Variants in EHMT1 observed in about 807,000 individuals in gnomAD.
EHMT1 encodes the protein euchromatic histone lysine methyltransferase 1, also known as histone-lysine N-methyltransferase EHMT1.
In EHMT1, 15 loss-of-function variants were observed where a neutral mutation model predicts 147.2. The ratio of observed to expected loss-of-function variants is 0.10; its 90% CI spans 0.07 to 0.16. EHMT1 has a LOEUF of 0.16. EHMT1 is among the 10% of genes least tolerant of loss of function. The pLI, the probability that EHMT1 is intolerant of heterozygous loss-of-function variation, is 1.00. For missense variants in EHMT1, 1,587 were observed against 1,772.4 expected (o/e 0.90, Z 1.88); for synonymous variants, 795 against 709.6 (o/e 1.12, Z -1.91).
At chr9:137,688,586 T>C (rs1942661765) in intron 1 of EHMT1, among the ~76,000 whole-genome samples, 1 of 152,200 alleles carries the variant, frequency 6.6e-6, no homozygotes, top group Non-Finnish European at 1.5e-5. Flanking sequence ...GAAATATCAA[T>C]GTAGAGCATT....
intron 17 of EHMT1, among the ~76,000 whole-genome samples, chr9:137,799,401 T>A (rs767053706): frequency 1.3e-5 from 2 of 152,174 alleles, no homozygotes; most frequent in African/African-American, 4.8e-5. Context: ...TCCTGCTCAT[T>A]GTCCGTCTCT....
chr9:137,741,403 C>T (rs1331156276), intron 4 of EHMT1, among the ~76,000 whole-genome samples: 1 of 152,164 alleles, frequency 6.6e-6, no homozygotes, highest in African/African-American at 2.4e-5. Context: ...GGACAGGTAG[C>T]AAACGTCAGC....
intron 1 of EHMT1, among the ~76,000 whole-genome samples, chr9:137,661,443 C>T (rs1391034257): frequency 6.7e-6 from 1 of 149,834 alleles, no homozygotes; most frequent in Non-Finnish European, 1.5e-5. Flanking sequence ...TTGTAAAAAT[C>T]ATACTTGAGT....
At chr9:137,766,155 G>A (rs1950205175) in intron 10 of EHMT1, among the ~76,000 whole-genome samples, 1 of 152,160 alleles carries the variant, frequency 6.6e-6, no homozygotes. Flanking sequence ...TGTGGGGAGG[G>A]TTTAGCCCAA....
At chr9:137,719,328 TG>T (rs1442575273) in intron 3 of EHMT1, among the ~76,000 whole-genome samples, 1 of 152,054 alleles carries the variant, frequency 6.6e-6, no homozygotes, top group African/African-American at 2.4e-5. Context: ...GTGACCACAG[TG>T]GGTGGTGGGC....
intron 14 of EHMT1, among the ~76,000 whole-genome samples, chr9:137,781,379 A>G (rs951992768): frequency 6.8e-6 from 1 of 147,494 alleles, no homozygotes; most frequent in Non-Finnish European, 1.5e-5. Context: ...TGACGCTGGG[A>G]TGTGTGGTGA....
rs374168421 is a variant in EHMT1 at position 137,801,014 on chromosome 9, G to A, written c.2712+30G>A. The A allele has an allele frequency of 5.3e-5, 84 of 1,597,078 alleles. 1 individual carries two copies. In the East Asian group the frequency reaches 8.3e-4, roughly 16 times the overall value. ...GTTCGTCACACCCTCCCCGGGAGCC[G>A]TGTCCTGGAGGGGTGGGGACCTCCT... On this transcript the variant is annotated intron_variant, in intron 18 of 26. Coordinates refer to ENST00000460843, the MANE Select transcript of EHMT1 (RefSeq NM_024757.5).
intron 25 of EHMT1, among the ~76,000 whole-genome samples, chr9:137,826,580 C>T (rs2132998320): frequency 6.6e-6 from 1 of 152,312 alleles, no homozygotes; most frequent in East Asian, 1.9e-4. Flanking sequence ...GTCAAGGCAC[C>T]TACTGGTTTG....
intron 10 of EHMT1, among the ~76,000 whole-genome samples, chr9:137,774,819 G>A (rs1053003624): frequency 2.6e-5 from 4 of 151,974 alleles, no homozygotes; most frequent in African/African-American, 9.7e-5. Flanking sequence ...TGGATCTGGT[G>A]GGTGTGGTCG....
chr9:137,624,203 A>C (rs936040915), intron 1 of EHMT1, among the ~76,000 whole-genome samples: 1 of 151,448 alleles, frequency 6.6e-6, no homozygotes, highest in African/African-American at 2.4e-5. Flanking sequence ...GGGTTTCACC[A>C]TATTGGCTAG....
At chr9:137,677,834 G>A (rs1446356155) in intron 1 of EHMT1, among the ~76,000 whole-genome samples, 3 of 151,810 alleles carry the variant, frequency 2.0e-5, no homozygotes, top group Non-Finnish European at 2.9e-5. Flanking sequence ...GGAGGCGGGC[G>A]GATCACGAAG....
rs1371761638 is a variant in EHMT1 at position 137,775,688 on chromosome 9, G to A, written c.1791+436G>A. Among the ~76,000 whole-genome samples the A allele has an allele frequency of 6.6e-6, 1 of 152,004 alleles. No individual in the cohort carries two copies. Among genetic ancestry groups the A allele is most frequent in the African/African-American group, 2.4e-5 (1 of 41,410 alleles). On this transcript the variant is annotated intron_variant, in intron 11 of 26. Transcript: ENST00000460843. This position sits in a 1 kb window ranked among gnomAD's most constrained non-coding sequence, Gnocchi z 6.1. ...TGTACTGAGGACATTCACCCCCCAT[G>A]ATAAGGGTGTCCAGAGCACACAGCT...
chr9:137,722,624 C>T (rs1946173605), intron 3 of EHMT1, among the ~76,000 whole-genome samples: 1 of 150,554 alleles, frequency 6.6e-6, no homozygotes, highest in Non-Finnish European at 1.5e-5. Context: ...GCGGTGTGCT[C>T]TGTGTCTCTG....
intron 1 of EHMT1, among the ~76,000 whole-genome samples, chr9:137,707,013 C>T (rs185628724): frequency 2.1e-4 from 30 of 143,382 alleles, no homozygotes; most frequent in Admixed American, 9.7e-4. Context: ...TTAGTAGAGA[C>T]GGGGTTTCGC....
intron 1 of EHMT1, among the ~76,000 whole-genome samples, chr9:137,709,273 C>T (rs536484118): frequency 2.6e-5 from 4 of 152,252 alleles, no homozygotes; most frequent in Non-Finnish European, 4.4e-5. Context: ...AGCTGGCTGG[C>T]GTACAGCTGT....
intron 1 of EHMT1, among the ~76,000 whole-genome samples, chr9:137,658,154 A>C (rs1203917714): frequency 1.3e-5 from 2 of 152,124 alleles, no homozygotes; most frequent in Non-Finnish European, 2.9e-5. Context: ...CTTCCTATCC[A>C]GAATGGTCTT....
chr9:137,696,465 T>C (rs1248165774), intron 1 of EHMT1, among the ~76,000 whole-genome samples: 1 of 152,196 alleles, frequency 6.6e-6, no homozygotes, highest in African/African-American at 2.4e-5. Flanking sequence ...ATTTTTCTTA[T>C]TTTGACTAGA....
intron 14 of EHMT1, among the ~76,000 whole-genome samples, chr9:137,781,088 G>A (rs374952942): frequency 2.0e-5 from 2 of 101,478 alleles, no homozygotes; most frequent in Admixed American, 8.6e-5. Flanking sequence ...TGGTGATGAC[G>A]CTGGGATGTG....
At chr9:137,777,070 A>C in intron 12 of EHMT1, 1 of 523,422 alleles carries the variant, frequency 1.9e-6, no homozygotes, top group Admixed American at 3.2e-5. Context: ...CCTGTTTTGA[A>C]CCGGTTTTCA....
Sources: allele counts gnomAD v4.1 joint callset (sites outside exome capture counted in the v4.1 genomes callset), GRCh38; gene constraint gnomAD v4.1.1; non-coding constraint Gnocchi (gnomAD v3.1); transcripts MANE v1.5; gene names NCBI Gene and HGNC (gene_info 2026-07-23, HGNC 2026-07-21).